Variants in AK4 observed in about 807,000 individuals in gnomAD.
AK4 encodes adenylate kinase 4.
AK4 carries 13 observed loss-of-function variants against 24.6 expected under a neutral mutation model. The ratio of observed to expected loss-of-function variants is 0.53; its 90% CI spans 0.34 to 0.84. The LOEUF is 0.84. Among genes scored for constraint, AK4 ranks in the 40% least tolerant of loss-of-function variants. The pLI, the probability that AK4 is intolerant of heterozygous loss-of-function variation, is 0.01. For missense variants in AK4, 192 were observed against 288.2 expected (o/e 0.67, Z 2.42); for synonymous variants, 88 against 107.0 (o/e 0.82, Z 1.10).
intron 2 of AK4, among the ~76,000 whole-genome samples, chr1:65,207,503 G>A (rs972114150): frequency 1.3e-5 from 2 of 151,956 alleles, no homozygotes; most frequent in African/African-American, 4.8e-5. Flanking sequence ...TCACAGAGTG[G>A]TAGGAGGAAG....
At chr1:65,156,848 C>T (rs1650000328) in intron 1 of AK4, among the ~76,000 whole-genome samples, 2 of 150,750 alleles carry the variant, frequency 1.3e-5, no homozygotes, top group South Asian at 4.2e-4. Flanking sequence ...ATTGCTTGAA[C>T]CCGGGAGGCG....
At chr1:65,148,030 G>A (rs1019482665), upstream of AK4, 3 of 177,762 alleles carry the variant, frequency 1.7e-5, no homozygotes, top group African/African-American at 4.7e-5. Context: ...GACGCGGCGT[G>A]GGGAGCGAGC....
At chr1:65,208,047 C>T (rs1022463208) in intron 2 of AK4, among the ~76,000 whole-genome samples, 19 of 152,128 alleles carry the variant, frequency 1.2e-4, no homozygotes, top group Non-Finnish European at 2.2e-4. Context: ...ATTTATTTTC[C>T]TTTGGGTGTA....
rs1652546661 is a variant in AK4, at chr1:65,228,756, C to T, written c.*2579C>T. ...TTTCTATTGCCACACATGACCGTTCCTTCACCTTTAAGCAAAGAGAGTGGT... is the reference window on the plus strand; with the variant it reads ...TTTCTATTGCCACACATGACCGTTCTTTCACCTTTAAGCAAAGAGAGTGGT... On this transcript the variant is annotated 3_prime_UTR_variant, in exon 5 of 5. Coordinates refer to ENST00000327299, the MANE Select transcript of AK4 (RefSeq NM_013410.4). The T allele has an allele frequency of 6.6e-6, 1 of 151,008 alleles. No individual in the cohort carries two copies. 9.4% of individuals were successfully genotyped at this position (151,008 alleles called of 1,614,324 possible).
At chr1:65,225,456 A>G (rs1470195373) in intron 4 of AK4, among the ~76,000 whole-genome samples, 2 of 152,032 alleles carry the variant, frequency 1.3e-5, no homozygotes, top group Admixed American at 6.5e-5. Context: ...AATGATTCCC[A>G]TTTTTCAGGA....
intron 3 of AK4, among the ~76,000 whole-genome samples, chr1:65,221,068 G>A (rs868820463): frequency 6.6e-6 from 1 of 152,094 alleles, no homozygotes; most frequent in African/African-American, 2.4e-5. Context: ...CCTAAAATTA[G>A]ACATGTGTAA....
At chr1:65,218,433 T>A (rs751155854) in intron 2 of AK4, among the ~76,000 whole-genome samples, 7 of 152,222 alleles carry the variant, frequency 4.6e-5, no homozygotes, top group Non-Finnish European at 2.9e-5. Context: ...AATCTTTGAG[T>A]CTTCCAAATG....
intron 1 of AK4, among the ~76,000 whole-genome samples, chr1:65,162,662 G>A (rs1385339585): frequency 2.6e-5 from 4 of 151,202 alleles, no homozygotes; most frequent in Admixed American, 2.6e-4. Flanking sequence ...CTAACACGGT[G>A]AAACACCAAC....
chr1:65,178,732 C>T (rs1400263818), intron 1 of AK4, among the ~76,000 whole-genome samples: 2 of 152,154 alleles, frequency 1.3e-5, no homozygotes, highest in Non-Finnish European at 2.9e-5. Flanking sequence ...GTGTCCACCT[C>T]TGTCTTCTGT....
intron 2 of AK4, among the ~76,000 whole-genome samples, chr1:65,196,903 A>G (rs112885097): frequency 0.099 from 15,071 of 152,226 alleles, 1,402 homozygotes; most frequent in East Asian, 0.46. Context: ...GGGAGGCCTC[A>G]CAATCGTGGC....
intron 2 of AK4, among the ~76,000 whole-genome samples, chr1:65,212,689 A>G (rs879150866): frequency 2.6e-5 from 4 of 151,282 alleles, no homozygotes; most frequent in African/African-American, 7.3e-5. Context: ...AGGTCTCACT[A>G]TGTTGCCCAG....
At chr1:65,216,901 A>C (rs1652149919) in intron 2 of AK4, among the ~76,000 whole-genome samples, 1 of 124,014 alleles carries the variant, frequency 8.1e-6, no homozygotes, top group African/African-American at 5.5e-5. Flanking sequence ...GGTTCTCTCT[A>C]CATTGCCCAG....
At chr1:65,198,927 A>G (rs954470127) in intron 2 of AK4, among the ~76,000 whole-genome samples, 1 of 151,624 alleles carries the variant, frequency 6.6e-6, no homozygotes, top group African/African-American at 2.4e-5. Flanking sequence ...ATATAGAAAA[A>G]TTACCTGGGC....
At chr1:65,216,282 G>C (rs533294630) in intron 2 of AK4, among the ~76,000 whole-genome samples, 1 of 151,938 alleles carries the variant, frequency 6.6e-6, no homozygotes, top group Admixed American at 6.6e-5. Context: ...ACAGGCATGC[G>C]CCACCAGGCC....
At chr1:65,211,708 G>A (rs1311418918) in intron 2 of AK4, among the ~76,000 whole-genome samples, 1 of 152,186 alleles carries the variant, frequency 6.6e-6, no homozygotes, top group Non-Finnish European at 1.5e-5. Flanking sequence ...CACTTACTGT[G>A]TGCAAAGCAC....
At chr1:65,150,727 A>T (rs923209498) in intron 1 of AK4, among the ~76,000 whole-genome samples, 1 of 152,226 alleles carries the variant, frequency 6.6e-6, no homozygotes, top group Non-Finnish European at 1.5e-5. Context: ...GAAGGAGACG[A>T]TGAAGCACAA....
intron 2 of AK4, among the ~76,000 whole-genome samples, chr1:65,213,765 G>A (rs1472478798): frequency 2.0e-5 from 3 of 152,148 alleles, no homozygotes; most frequent in Non-Finnish European, 4.4e-5. Context: ...CCGAATTCCT[G>A]TGTTGAAGCC....
intron 1 of AK4, among the ~76,000 whole-genome samples, chr1:65,149,304 C>T (rs1007769975): frequency 6.6e-6 from 1 of 152,204 alleles, no homozygotes; most frequent in Admixed American, 6.5e-5. Flanking sequence ...CTTTGGCTGG[C>T]GTGGTGAACT....
intron 1 of AK4, among the ~76,000 whole-genome samples, chr1:65,182,153 T>C (rs897919804): frequency 6.6e-6 from 1 of 152,210 alleles, no homozygotes; most frequent in Non-Finnish European, 1.5e-5. Flanking sequence ...ACTCCTGGCC[T>C]CAAGGGATCA....
Sources: gnomAD v4.1 joint callset for allele counts (sites outside exome capture counted in the v4.1 genomes callset) on GRCh38, gnomAD v4.1.1 for gene constraint, MANE v1.5 for transcripts, NCBI Gene and HGNC (gene_info 2026-07-23, HGNC 2026-07-21) for gene names.